The following BAZ2B variants were observed in gnomAD, a reference collection of about 807,000 sequenced individuals.
BAZ2B encodes bromodomain adjacent to zinc finger domain protein 2B.
A neutral mutation model predicts 246.0 loss-of-function variants in BAZ2B; 91 were observed. The observed-to-expected ratio is 0.37, with a 90% CI of 0.31 to 0.44. The LOEUF (loss-of-function observed/expected upper bound fraction) is 0.44. Ranked by LOEUF, BAZ2B falls within the 20% of genes least tolerant of loss-of-function variation. The pLI is 1.00. For synonymous variants in BAZ2B, 855 were observed against 860.0 expected, an observed-to-expected ratio of 0.99 and a Z score of 0.10; for missense variants, 2,332 against 2,533.7, an observed-to-expected ratio of 0.92 and a Z score of 1.71.
At chr2:159,638,196 G>A in the BAZ2B span, among the ~76,000 whole-genome samples, 1 of 152,234 alleles carries the variant, frequency 6.6e-6, no homozygotes, top group Admixed American at 6.5e-5. Context: ...CCTTAGGCAT[G>A]AGTCCACAAA....
intron 3 of BAZ2B, chr2:159,464,132 A>C (rs1001023671): frequency 1.3e-5 from 2 of 152,188 alleles, no homozygotes; most frequent in Admixed American, 6.5e-5. Context: ...TACATGACTA[A>C]AGAACAACTT....
intron 2 of BAZ2B, among the ~76,000 whole-genome samples, chr2:159,523,441 C>T (rs1269395379): frequency 2.6e-5 from 4 of 151,904 alleles, no homozygotes; most frequent in African/African-American, 9.7e-5. Flanking sequence ...CGCAGTGGCT[C>T]ACGCTTGTAA....
chr2:159,415,666 C>A (rs1307579736), intron 13 of BAZ2B, among the ~76,000 whole-genome samples: 1 of 152,038 alleles, frequency 6.6e-6, no homozygotes, highest in Non-Finnish European at 1.5e-5. Flanking sequence ...CTAAAAATAT[C>A]CTCAAAGTAG....
intron 14 of BAZ2B, among the ~76,000 whole-genome samples, chr2:159,410,296 A>T (rs142335519): frequency 1.3e-5 from 2 of 152,234 alleles, no homozygotes; most frequent in South Asian, 2.1e-4. Flanking sequence ...AAATAAAAAA[A>T]TCTGACTACC....
intron 27 of BAZ2B, among the ~76,000 whole-genome samples, chr2:159,355,376 T>C (rs745634254): frequency 6.6e-6 from 1 of 152,156 alleles, no homozygotes; most frequent in Non-Finnish European, 1.5e-5. Context: ...TTGAGATTAT[T>C]GTGGAAGAGA....
chr2:159,663,802 C>A, the BAZ2B span, among the ~76,000 whole-genome samples: 1 of 150,558 alleles, frequency 6.6e-6, no homozygotes, highest in African/African-American at 2.4e-5. Context: ...CAGGTGTGAG[C>A]CACCGGGCCC....
the BAZ2B span, among the ~76,000 whole-genome samples, chr2:159,650,224 T>C: frequency 2.0e-5 from 3 of 151,946 alleles, no homozygotes; most frequent in Non-Finnish European, 4.4e-5. Context: ...CTTGTTTCCA[T>C]GCCTGCTAGT....
intron 1 of BAZ2B, among the ~76,000 whole-genome samples, chr2:159,595,304 G>C (rs1690432489): frequency 6.6e-6 from 1 of 151,944 alleles, no homozygotes; most frequent in Non-Finnish European, 1.5e-5. Context: ...GTTTCTCCAT[G>C]TTGGTCAGGC....
intron 6 of BAZ2B, chr2:159,444,621 T>C (rs2073972246): frequency 6.6e-6 from 1 of 152,198 alleles, no homozygotes; most frequent in Admixed American, 6.5e-5. Flanking sequence ...ACAAAGTAGT[T>C]CTTAGGATTA....
chr2:159,385,360 C>T lies in BAZ2B; in HGVS notation c.3481G>A (p.Ala1161Thr). The change falls in exon 23 of 37, where the codon GCT becomes ACT. Residue 1161 changes from alanine to threonine, a missense_variant. By Grantham distance (58) the Ala-to-Thr change is moderately conservative (BLOSUM62 0). Coordinates refer to ENST00000392783, the MANE Select transcript of BAZ2B (RefSeq NM_013450.4). ...ACATTCAGCAAATGTTCTCCAAGAGCTGTTTTAGCCTATAAAAGTTTGGCA... is the reference window on the plus strand; with the variant it reads ...ACATTCAGCAAATGTTCTCCAAGAGTTGTTTTAGCCTATAAAAGTTTGGCA... ...GLITGYKAKTALGEHLLNVGV... is the reference protein window; with the variant it reads ...GLITGYKAKTTLGEHLLNVGV... The T allele has an allele frequency of 3.7e-6, 6 of 1,611,908 alleles. No homozygotes were observed. Among genetic ancestry groups the T allele is most frequent in the Non-Finnish European group, 5.1e-6 (6 of 1,179,250 alleles).
At position 159,588,214 on chromosome 2, in the gene BAZ2B, C is replaced by CAAAA. The variant is rs556237766; in HGVS notation, c.-46+28024_-46+28027dup. On this transcript the variant is annotated intron_variant, in intron 1 of 36. Coordinates refer to ENST00000392783, the MANE Select transcript of BAZ2B (RefSeq NM_013450.4). ...TGGGTGACAGACCAAGACCCTGCAT[C>CAAAA]AAAAAAAAAAAAAAAAAACCCCTGC... is the stretch of plus-strand genomic sequence containing the variant. Among the ~76,000 whole-genome samples the CAAAA allele has an allele frequency of 5.4e-3, 584 of 108,956 alleles. 10 individuals are homozygous for CAAAA. Among genetic ancestry groups the CAAAA allele is most frequent in the South Asian group, 0.036 (116 of 3,210 alleles). The allele number at this position is 108,956 out of a possible 152,430, so 71.5% of individuals were successfully genotyped here. A position where few individuals can be genotyped will look rare whatever the true frequency, so the allele number is the denominator to read the frequency against.
chr2:159,405,864 C>A (rs1375624538), intron 14 of BAZ2B, among the ~76,000 whole-genome samples: 1 of 151,988 alleles, frequency 6.6e-6, no homozygotes, highest in Non-Finnish European at 1.5e-5. Flanking sequence ...CCCCTCCCAC[C>A]CAAACTTAGT....
At chr2:159,475,110 C>T (rs1230509788) in intron 3 of BAZ2B, among the ~76,000 whole-genome samples, 1 of 152,106 alleles carries the variant, frequency 6.6e-6, no homozygotes, top group African/African-American at 2.4e-5. Context: ...GTCTTGCTAG[C>T]TTGGGGAAAT....
intron 34 of BAZ2B, among the ~76,000 whole-genome samples, chr2:159,327,402 A>G (rs2063868690): frequency 6.6e-6 from 1 of 152,214 alleles, no homozygotes; most frequent in South Asian, 2.1e-4. Context: ...TAATTGACTA[A>G]ATAAGGCAAA....
intron 27 of BAZ2B, among the ~76,000 whole-genome samples, chr2:159,351,165 G>T (rs917411524): frequency 1.3e-5 from 2 of 152,002 alleles, no homozygotes; most frequent in Non-Finnish European, 2.9e-5. Flanking sequence ...AAACTTCTAG[G>T]AGTTCTGTAT....
At chr2:159,620,900 AC>A (rs1379687110), upstream of BAZ2B, among the ~76,000 whole-genome samples, 3 of 152,178 alleles carry the variant, frequency 2.0e-5, no homozygotes, top group East Asian at 5.8e-4. Context: ...GGGAACAGTA[AC>A]TGTATAGGCA....
chr2:159,672,786 T>A, the BAZ2B span, among the ~76,000 whole-genome samples: 1 of 152,176 alleles, frequency 6.6e-6, no homozygotes, highest in African/African-American at 2.4e-5. Flanking sequence ...TGATAAATAA[T>A]GTTGAGATAA....
intron 34 of BAZ2B, among the ~76,000 whole-genome samples, chr2:159,329,149 A>AAAG (rs1431387985): frequency 6.6e-6 from 1 of 151,596 alleles, no homozygotes; most frequent in East Asian, 1.9e-4. Flanking sequence ...AAAAAAAAAA[A>AAAG]AAAAGAAAAT....
intron 18 of BAZ2B, 148 bp from the exon 19 acceptor site, chr2:159,397,537 A>G (rs1207791189): frequency 4.1e-6 from 2 of 492,540 alleles, no homozygotes; most frequent in Non-Finnish European, 7.2e-6. Context: ...TTTTATTTAT[A>G]AAATGTCAAT....
Sources: gnomAD v4.1 joint callset for allele counts (sites outside exome capture counted in the v4.1 genomes callset) on GRCh38, gnomAD v4.1.1 for gene constraint, MANE v1.5 for transcripts, NCBI Gene and HGNC (gene_info 2026-07-23, HGNC 2026-07-21) for gene names.